The following NBAS variants were observed in gnomAD, a reference collection of about 807,000 sequenced individuals.
NBAS encodes NAG/BC035112 fusion.
NBAS carries 219 observed loss-of-function variants against 302.5 expected under a neutral mutation model. The observed-to-expected ratio is 0.72, with a 90% CI of 0.65 to 0.81. The LOEUF (loss-of-function observed/expected upper bound fraction) is 0.81. Among genes scored for constraint, NBAS ranks in the 30% least tolerant of loss-of-function variants. The pLI, the probability that NBAS is intolerant of heterozygous loss-of-function variation, is 0.00. For synonymous variants in NBAS, 1,118 were observed against 1,021.6 expected, an observed-to-expected ratio of 1.09 and a Z score of -1.80; for missense variants, 2,932 against 2,841.6, an observed-to-expected ratio of 1.03 and a Z score of -0.72.
rs1680095265 is a variant in NBAS at position 15,474,338 on chromosome 2, G to A, written c.1342-14C>T. The stretch of plus-strand genomic sequence containing the variant: ...TTTAATCTCACACTAAATTGAAAAA[G>A]GAGATTTGAAGTTAATAGTAAGGAA... On this transcript the variant is annotated splice_polypyrimidine_tract_variant and intron_variant, in intron 14 of 51. Coordinates refer to ENST00000281513, the MANE Select transcript of NBAS (RefSeq NM_015909.4). 3 of 1,606,132 alleles carry A rather than the reference G, an allele frequency of 1.9e-6. No individual in the cohort carries two copies. In the South Asian group the frequency reaches 3.3e-5, roughly 18 times the overall value.
intron 25 of NBAS, among the ~76,000 whole-genome samples, chr2:15,408,912 C>T (rs1676551185): frequency 6.6e-6 from 1 of 152,150 alleles, no homozygotes; most frequent in South Asian, 2.1e-4. Context: ...TGGCTCATGC[C>T]TGTATTGCTA....
chr2:14,874,635 G>A, the NBAS span, among the ~76,000 whole-genome samples: 1 of 142,286 alleles, frequency 7.0e-6, no homozygotes, highest in Admixed American at 6.9e-5. Context: ...GCGAGACTCT[G>A]TCTCAAAAAA....
chr2:15,283,181 G>A (rs553192750), intron 42 of NBAS, among the ~76,000 whole-genome samples: 4 of 152,138 alleles, frequency 2.6e-5, no homozygotes, highest in African/African-American at 9.6e-5. Flanking sequence ...GAATAAATGT[G>A]GTACTATTAT....
chr2:14,780,231 T>A, the NBAS span, among the ~76,000 whole-genome samples: 824 of 152,336 alleles, frequency 5.4e-3, 8 homozygotes, highest in African/African-American at 0.019. Context: ...AGATGTGATA[T>A]GAAAAATGAT....
chr2:14,977,693 A>G, the NBAS span, among the ~76,000 whole-genome samples: 2 of 152,192 alleles, frequency 1.3e-5, no homozygotes, highest in Admixed American at 6.5e-5. Flanking sequence ...GTGGCACCTG[A>G]CCTAAGCTTG....
chr2:15,210,989 G>A (rs1666381720), intron 48 of NBAS, among the ~76,000 whole-genome samples: 1 of 152,150 alleles, frequency 6.6e-6, no homozygotes, highest in Non-Finnish European at 1.5e-5. Flanking sequence ...GGTAGTGAGG[G>A]TGTTACAGGG....
chr2:15,396,633 G>A (rs753626551), intron 26 of NBAS, among the ~76,000 whole-genome samples, 158 bp from the exon 27 acceptor site: 1 of 152,016 alleles, frequency 6.6e-6, no homozygotes, highest in East Asian at 1.9e-4. Context: ...TGATTCAAGA[G>A]AATTATATAA....
chr2:15,538,375 C>A, intron 7 of NBAS: 1 of 411,504 alleles, frequency 2.4e-6, no homozygotes, highest in South Asian at 1.6e-5. Context: ...CTCATTATTT[C>A]TGAAAAAAAA....
chr2:15,412,127 C>G (rs1291320362), intron 25 of NBAS, among the ~76,000 whole-genome samples: 1 of 152,044 alleles, frequency 6.6e-6, no homozygotes, highest in African/African-American at 2.4e-5. Context: ...GTCTAAAGAT[C>G]CATTTCTTTA....
chr2:15,472,309 C>T (rs951379997), intron 16 of NBAS, among the ~76,000 whole-genome samples: 5 of 152,154 alleles, frequency 3.3e-5, no homozygotes, highest in Middle Eastern at 3.2e-3. Context: ...CTTACTTCCC[C>T]GCTTCCTCCC....
chr2:14,867,405 C>A, the NBAS span, among the ~76,000 whole-genome samples: 1 of 152,114 alleles, frequency 6.6e-6, no homozygotes, highest in Admixed American at 6.5e-5. Flanking sequence ...TGGGGTAAGA[C>A]CTGAGCAATT....
At chr2:15,461,088 A>T in intron 21 of NBAS, 113 bp downstream of exon 21, 1 of 1,010,238 alleles carries the variant, frequency 9.9e-7, no homozygotes. Flanking sequence ...ATCAGGAAAA[A>T]AGTTTAAATA....
At chr2:15,468,626 T>C in intron 16 of NBAS, 93 bp from the exon 17 acceptor site, 1 of 1,422,964 alleles carries the variant, frequency 7.0e-7, no homozygotes, top group Non-Finnish European at 9.9e-7. Context: ...CTATACCTGA[T>C]GTATTACAGC....
the NBAS span, among the ~76,000 whole-genome samples, chr2:15,013,370 GA>G: frequency 6.6e-6 from 1 of 151,894 alleles, no homozygotes; most frequent in Non-Finnish European, 1.5e-5. Context: ...AATAATAGAA[GA>G]AATAAAGGAA....
At chr2:14,803,556 C>A in the NBAS span, among the ~76,000 whole-genome samples, 2 of 152,184 alleles carry the variant, frequency 1.3e-5, no homozygotes, top group African/African-American at 4.8e-5. Context: ...TGTTTCCCAT[C>A]ACTTAAAGAT....
intron 35 of NBAS, among the ~76,000 whole-genome samples, chr2:15,337,401 T>C (rs1672639424): frequency 6.6e-6 from 1 of 151,622 alleles, no homozygotes; most frequent in Non-Finnish European, 1.5e-5. Flanking sequence ...AAATCACCAC[T>C]AAAGAACTTA....
chr2:15,175,689 C>G (rs971553705), intron 51 of NBAS, among the ~76,000 whole-genome samples: 2 of 152,092 alleles, frequency 1.3e-5, no homozygotes, highest in Non-Finnish European at 2.9e-5. Context: ...CCATTTCTGG[C>G]CCAGGAAAGA....
At chr2:14,973,250 C>T in the NBAS span, among the ~76,000 whole-genome samples, 67,974 of 152,058 alleles carry the variant, frequency 0.45, 16,937 homozygotes, top group African/African-American at 0.68. Context: ...CACCTGTTGA[C>T]AGACACCTAG....
At chr2:14,788,497 T>A in the NBAS span, among the ~76,000 whole-genome samples, 1 of 152,216 alleles carries the variant, frequency 6.6e-6, no homozygotes, top group South Asian at 2.1e-4. Context: ...AGATGGGTTT[T>A]TGGTGTGGAT....
Sources: gnomAD v4.1 joint callset for allele counts (sites outside exome capture counted in the v4.1 genomes callset) on GRCh38, gnomAD v4.1.1 for gene constraint, MANE v1.5 for transcripts, NCBI Gene and HGNC (gene_info 2026-07-23, HGNC 2026-07-21) for gene names.